The following CFAP20DC variants were observed in gnomAD, a reference collection of about 807,000 sequenced individuals.
CFAP20DC encodes the protein CFAP20 domain containing, also known as protein CFAP20DC.
Under a neutral mutation model 101.7 loss-of-function variants are expected in CFAP20DC, and 84 were observed. The observed-to-expected ratio is 0.83, with a 90% CI of 0.69 to 0.99. The LOEUF (loss-of-function observed/expected upper bound fraction) is 0.99. Among genes scored for constraint, CFAP20DC ranks in the 50% least tolerant of loss-of-function variants. CFAP20DC has a pLI of 0.00. For missense variants in CFAP20DC, 1,007 were observed against 970.3 expected, an observed-to-expected ratio of 1.04 and a Z score of -0.50; for synonymous variants, 359 against 351.2, an observed-to-expected ratio of 1.02 and a Z score of -0.25.
Position 58,874,161 on chromosome 3 carries a change from AAT to A in CFAP20DC, c.716-3854_716-3853del, listed in dbSNP as rs2108564909. Among the ~76,000 whole-genome samples the A allele has an allele frequency of 6.6e-6, 1 of 152,348 alleles. No individual in the cohort carries two copies. Among genetic ancestry groups the A allele is most frequent in the African/African-American group, 2.4e-5 (1 of 41,596 alleles). On this transcript the variant is annotated intron_variant, in intron 7 of 16. Transcript: ENST00000482387. The surrounding 1 kb of genome is among the most constrained non-coding windows in gnomAD (Gnocchi z 5.1). ...GCACTTCAAACTGGAAACCTGGTCTAATGAATGGGACCACAATCCATCTGGTT... is the reference window on the plus strand; with the variant it reads ...GCACTTCAAACTGGAAACCTGGTCTAGAATGGGACCACAATCCATCTGGTT...
At chr3:58,999,032 C>T (rs1052888243) in intron 4 of CFAP20DC, among the ~76,000 whole-genome samples, 1 of 152,192 alleles carries the variant, frequency 6.6e-6, no homozygotes, top group Admixed American at 6.5e-5. Flanking sequence ...AGGACTGAGA[C>T]ACCTAGGGAA....
chr3:58,863,541 C>T lies in CFAP20DC; in HGVS notation c.1593+17G>A, dbSNP rs748398313. 8.0e-5 allele frequency: 129 copies of T among 1,612,878 alleles called. 1 individual carries two copies. The South Asian group carries it at 1.2e-3, about 15-fold the overall frequency. ...ACAACTGTGCTTCAAGACTACTTCACTTATCAAGCAGTGTACCTCTTCACT... is the reference window on the plus strand; with the variant it reads ...ACAACTGTGCTTCAAGACTACTTCATTTATCAAGCAGTGTACCTCTTCACT... On this transcript the variant is annotated intron_variant, in intron 12 of 16. Coordinates refer to ENST00000482387, the MANE Select transcript of CFAP20DC (RefSeq NM_001394063.1). The surrounding 1 kb of genome is among the most constrained non-coding windows in gnomAD (Gnocchi z 5.9).
chr3:59,009,760 G>A (rs1302933962), intron 4 of CFAP20DC, among the ~76,000 whole-genome samples: 1 of 152,036 alleles, frequency 6.6e-6, no homozygotes, highest in Non-Finnish European at 1.5e-5. Flanking sequence ...CATCACCTAG[G>A]CACACAGTCA....
Position 58,853,046 on chromosome 3 carries a change from C to G in CFAP20DC, c.1594-3637G>C, listed in dbSNP as rs1258016552. On this transcript the variant is annotated intron_variant, in intron 12 of 16. Transcript: ENST00000482387. Reference sequence around the variant, plus strand: ...CTTCAAAAATTAATGAATCCAGGAGCTGGTTTTTTGAAAGGATCAACAAAA... The same window carrying G: ...CTTCAAAAATTAATGAATCCAGGAGGTGGTTTTTTGAAAGGATCAACAAAA... Among the ~76,000 whole-genome samples, 5 of 152,074 alleles carry G rather than the reference C, an allele frequency of 3.3e-5. No individual in the cohort carries two copies. In the East Asian group the frequency reaches 7.7e-4, roughly 23 times the overall value.
chr3:58,760,753 G>A lies in CFAP20DC; in HGVS notation c.2238-6890C>T, dbSNP rs1316323232. On this transcript the variant is annotated intron_variant, in intron 15 of 16. Coordinates refer to ENST00000482387, the MANE Select transcript of CFAP20DC (RefSeq NM_001394063.1). ...AGAGTTTTTAGCATGAAGGGTTGTT[G>A]AATTTTGTCAAAGGACTTTTCTGCA... 6.6e-5 allele frequency among the ~76,000 whole-genome samples: 10 copies of A among 152,178 alleles called. No homozygotes were observed. In the South Asian group the frequency reaches 1.0e-3, roughly 16 times the overall value.
rs528965598 is a variant in CFAP20DC, at chr3:58,955,364, G to T, written c.279-17602C>A. 5.1e-4 allele frequency among the ~76,000 whole-genome samples: 78 copies of T among 152,292 alleles called. 1 individual carries two copies. The highest frequency in any genetic ancestry group is 1.8e-3 in the African/African-American group (76 of 41,548). ...TGATGCCACCCCTCCCCCATGTTCG[G>T]TTGTGGCAGCACGGTGCAGACAGTA... On this transcript the variant is annotated intron_variant, in intron 4 of 16. Transcript: ENST00000482387.
At chr3:58,741,499 ATTT>A (rs570289689), downstream of CFAP20DC, among the ~76,000 whole-genome samples, 3 of 142,954 alleles carry the variant, frequency 2.1e-5, no homozygotes, top group African/African-American at 2.6e-5. Context: ...TTGTCAAAAT[ATTT>A]TTTTTTTTTT....
intron 3 of CFAP20DC, among the ~76,000 whole-genome samples, chr3:58,723,819 CT>C (rs1489760107): frequency 6.6e-6 from 1 of 152,130 alleles, no homozygotes; most frequent in African/African-American, 2.4e-5. Flanking sequence ...TCAATGACCA[CT>C]GTTTTCATTA....
chr3:59,013,274 G>A (rs180927280), intron 4 of CFAP20DC, among the ~76,000 whole-genome samples: 1 of 152,162 alleles, frequency 6.6e-6, no homozygotes, highest in Non-Finnish European at 1.5e-5. Context: ...GAGAAAAATG[G>A]AGGAGCGTTT....
chr3:59,004,279 G>A (rs1489912777), intron 4 of CFAP20DC, among the ~76,000 whole-genome samples: 1 of 152,092 alleles, frequency 6.6e-6, no homozygotes, highest in Non-Finnish European at 1.5e-5. Context: ...TGCATCTGAG[G>A]CACAGGAAGA....
rs2076609308 is a variant in CFAP20DC at position 58,834,551 on chromosome 3, T to G, written c.1972-2662A>C. On this transcript the variant is annotated intron_variant, in intron 13 of 16. Coordinates refer to ENST00000482387, the MANE Select transcript of CFAP20DC (RefSeq NM_001394063.1). ...AACACTGGGTTCTAGGAGAGAAGAA[T>G]AAGAGAGGATGTGGCAGTGGTTAAG... 2.0e-5 allele frequency among the ~76,000 whole-genome samples: 3 copies of G among 152,256 alleles called. No homozygotes were observed. In the South Asian group the frequency reaches 6.2e-4, roughly 32 times the overall value.
intron 5 of CFAP20DC, among the ~76,000 whole-genome samples, chr3:58,931,149 C>A (rs2086611545): frequency 6.6e-6 from 1 of 152,126 alleles, no homozygotes; most frequent in Non-Finnish European, 1.5e-5. Context: ...GGTCCTACGC[C>A]CACGGAGTCT....
At chr3:58,813,851 G>C (rs976377931) in intron 14 of CFAP20DC, among the ~76,000 whole-genome samples, 6 of 151,942 alleles carry the variant, frequency 3.9e-5, no homozygotes, top group Non-Finnish European at 5.9e-5. Context: ...ACAGCTGGGA[G>C]AACAGTGGAA....
chr3:58,854,705 T>A (rs1431016605), intron 12 of CFAP20DC, among the ~76,000 whole-genome samples: 1 of 151,794 alleles, frequency 6.6e-6, no homozygotes, highest in African/African-American at 2.4e-5. Context: ...ATCTGATCTT[T>A]GACAAACCTG....
intron 5 of CFAP20DC, among the ~76,000 whole-genome samples, chr3:58,917,963 T>C (rs2084918198): frequency 6.6e-6 from 1 of 152,160 alleles, no homozygotes; most frequent in Non-Finnish European, 1.5e-5. Context: ...TGTTCAGCAA[T>C]CCATGTGTAC....
intron 6 of CFAP20DC, among the ~76,000 whole-genome samples, chr3:58,905,306 T>C (rs2083489131): frequency 6.6e-6 from 1 of 152,202 alleles, no homozygotes; most frequent in Admixed American, 6.5e-5. Context: ...CTACTCCCCT[T>C]GTTTTTCTCC....
Position 59,046,212 on chromosome 3 carries a change from T to A in CFAP20DC, c.205+17A>T, listed in dbSNP as rs1699848650. 1.3e-6 allele frequency: 2 copies of A among 1,492,668 alleles called. No homozygotes were observed. Among genetic ancestry groups the A allele is most frequent in the Non-Finnish European group, 1.8e-6 (2 of 1,110,460 alleles). 92.5% of individuals were successfully genotyped at this position (1,492,668 alleles called of 1,614,324 possible). A position where few individuals can be genotyped will look rare whatever the true frequency, so the allele number is the denominator to read the frequency against. ...GAGTACAAAATGTTAAGTTTCAATA[T>A]TAAAAATATTACTTACGGCTTTGCT... On this transcript the variant is annotated intron_variant, in intron 3 of 16. Transcript: ENST00000482387.
chr3:58,967,707 A>AT (rs1181351000), intron 4 of CFAP20DC, among the ~76,000 whole-genome samples: 3 of 152,178 alleles, frequency 2.0e-5, no homozygotes, highest in African/African-American at 4.8e-5. Flanking sequence ...TTTATTTTTA[A>AT]TTTTTGAACT....
chr3:58,950,172 T>C (rs1429038075), intron 4 of CFAP20DC, among the ~76,000 whole-genome samples: 3 of 152,262 alleles, frequency 2.0e-5, no homozygotes, highest in East Asian at 1.9e-4. Context: ...CCATTCACAA[T>C]TGCTTCAAAG....
Sources: gnomAD v4.1 joint callset for allele counts (sites outside exome capture counted in the v4.1 genomes callset) on GRCh38, gnomAD v4.1.1 for gene constraint, Gnocchi (gnomAD v3.1) non-coding constraint, MANE v1.5 for transcripts, NCBI Gene and HGNC (gene_info 2026-07-23, HGNC 2026-07-21) for gene names.